The following VPS13B variants were observed in gnomAD, a reference collection of about 807,000 sequenced individuals.
The protein encoded by VPS13B is intermembrane lipid transfer protein VPS13B.
A neutral mutation model predicts 426.4 loss-of-function variants in VPS13B; 285 were observed. The observed-to-expected ratio is 0.67, with a 90% CI of 0.61 to 0.74. The LOEUF (loss-of-function observed/expected upper bound fraction) is 0.74. Among genes scored for constraint, VPS13B ranks in the 30% least tolerant of loss-of-function variants. VPS13B has a pLI of 0.00. For missense variants in VPS13B, 4,537 were observed against 4,782.6 expected (o/e 0.95, Z 1.51); for synonymous variants, 1,676 against 1,676.4 (o/e 1.00, Z 0.01).
intron 39 of VPS13B, among the ~76,000 whole-genome samples, chr8:99,740,555 G>T (rs548157845): frequency 1.3e-5 from 2 of 152,294 alleles, no homozygotes; most frequent in African/African-American, 4.8e-5. Context: ...TGGAAAAAAT[G>T]TTAAGGGCAG....
chr8:99,853,801 A>C lies in VPS13B; in HGVS notation c.10412A>C (p.Glu3471Ala). 1 of 1,614,270 alleles carries C rather than the reference A, an allele frequency of 6.2e-7. No individual in the cohort carries two copies. Among genetic ancestry groups the C allele is most frequent in the Non-Finnish European group, 8.5e-7 (1 of 1,180,042 alleles). Residue 3471 changes from glutamate to alanine, a missense_variant, in exon 56 of 62, where the codon GAA (glutamate) becomes GCA (alanine). By Grantham distance (107) the Glu-to-Ala change is moderately radical. Around this residue, in one of 2 missense-constraint regions of VPS13B, gnomAD observed 4,311 missense variants for 4,474.3 expected, o/e 0.96. Coordinates refer to ENST00000357162, the MANE Select transcript of VPS13B (RefSeq NM_152564.5). The part of the protein sequence containing the change: ...SLLISNKELE[E>A]YKEKCFIKLC... ...CTCATATCCAACAAAGAGTTGGAAG[A>C]ATACAAGGAAAAATGTTTTATCAAA...
At chr8:99,773,751 G>A (rs1378087684) in intron 40 of VPS13B, among the ~76,000 whole-genome samples, 12 of 152,164 alleles carry the variant, frequency 7.9e-5, no homozygotes, top group Non-Finnish European at 1.8e-4. Flanking sequence ...AAAGTGAAGA[G>A]CACCAGATAA....
intron 32 of VPS13B, 37 bp from the exon 33 acceptor site, chr8:99,577,453 A>G (rs770383278): frequency 1.9e-6 from 3 of 1,612,528 alleles, no homozygotes; most frequent in South Asian, 2.2e-5. Flanking sequence ...GAAAGCTATC[A>G]TGTTTCTTTA....
chr8:99,551,055 TTA>T (rs1824256427), intron 30 of VPS13B, among the ~76,000 whole-genome samples: 1 of 149,686 alleles, frequency 6.7e-6, no homozygotes, highest in Admixed American at 6.7e-5. Context: ...ATCACACATA[TTA>T]TGTTTTTCAA....
At chr8:99,780,799 T>A (rs1811982919) in intron 42 of VPS13B, among the ~76,000 whole-genome samples, 1 of 152,168 alleles carries the variant, frequency 6.6e-6, no homozygotes, top group African/African-American at 2.4e-5. Context: ...AAAGTAAATA[T>A]GAAAGTGCAC....
At chr8:99,253,889 A>G (rs765078746) in intron 17 of VPS13B, among the ~76,000 whole-genome samples, 12 of 152,128 alleles carry the variant, frequency 7.9e-5, no homozygotes, top group African/African-American at 4.8e-5. Context: ...TTTTAAGTGT[A>G]TCTCATCAAG....
intron 3 of VPS13B, among the ~76,000 whole-genome samples, chr8:99,059,517 C>T (rs1302936858): frequency 6.6e-6 from 1 of 152,076 alleles, no homozygotes; most frequent in African/African-American, 2.4e-5. Flanking sequence ...TTGATACAGT[C>T]TGCCCTCTGT....
intron 21 of VPS13B, among the ~76,000 whole-genome samples, chr8:99,400,861 A>G (rs993258761): frequency 3.1e-4 from 47 of 152,174 alleles, no homozygotes; most frequent in Non-Finnish European, 3.5e-4. Flanking sequence ...TAGTAGAGAC[A>G]GGGTTTCACC....
At chr8:99,439,041 C>T (rs1817549602) in intron 22 of VPS13B, among the ~76,000 whole-genome samples, 1 of 152,034 alleles carries the variant, frequency 6.6e-6, no homozygotes, top group African/African-American at 2.4e-5. Flanking sequence ...GATGAGGAAA[C>T]TGAAGTCATG....
chr8:99,864,918 T>C (rs552323005), intron 58 of VPS13B, among the ~76,000 whole-genome samples: 1 of 152,122 alleles, frequency 6.6e-6, no homozygotes, highest in Non-Finnish European at 1.5e-5. Flanking sequence ...CAAGTTCCAG[T>C]GTAGGAAAAA....
chr8:99,315,766 A>G lies in VPS13B; in HGVS notation c.2824+40512A>G, dbSNP rs571432502. ...ATTCTCCTGCCTCAGCCTCCCGAGT[A>G]GCTAGGACTACGGGCGCCTGCCACC... On this transcript the variant is annotated intron_variant, in intron 19 of 61. Transcript: ENST00000357162. Among the ~76,000 whole-genome samples, 924 of 152,080 alleles carry G rather than the reference A, an allele frequency of 6.1e-3. 13 individuals carry two copies. Among genetic ancestry groups the G allele is most frequent in the African/African-American group, 0.021 (879 of 41,468 alleles).
intron 17 of VPS13B, among the ~76,000 whole-genome samples, chr8:99,260,603 A>AATAGGTTAATT (rs1370718648): frequency 6.6e-6 from 1 of 152,018 alleles, no homozygotes; most frequent in Non-Finnish European, 1.5e-5. Context: ...ACCTATTTGC[A>AATAGGTTAATT]ATAGGTTAAT....
chr8:99,073,959 T>C (rs1844975690), intron 3 of VPS13B, among the ~76,000 whole-genome samples: 1 of 151,774 alleles, frequency 6.6e-6, no homozygotes, highest in South Asian at 2.1e-4. Flanking sequence ...TTTGTAGAGA[T>C]AGAGTCTCCC....
At chr8:99,365,514 T>C (rs1223407693) in intron 19 of VPS13B, among the ~76,000 whole-genome samples, 1 of 58,236 alleles carries the variant, frequency 1.7e-5, no homozygotes, top group Non-Finnish European at 4.3e-5. Context: ...CTTCTTCTTC[T>C]TCTTTTTTTT....
At chr8:99,082,425 T>G (rs996117920) in intron 3 of VPS13B, among the ~76,000 whole-genome samples, 1 of 152,216 alleles carries the variant, frequency 6.6e-6, no homozygotes, top group Non-Finnish European at 1.5e-5. Flanking sequence ...CTGTTCACTC[T>G]GATGGTGGTT....
At chr8:99,079,421 G>A (rs530728416) in intron 3 of VPS13B, among the ~76,000 whole-genome samples, 1 of 152,164 alleles carries the variant, frequency 6.6e-6, no homozygotes, top group Admixed American at 6.5e-5. Flanking sequence ...AAAATTGAAT[G>A]TGGTTGTGGT....
intron 15 of VPS13B, among the ~76,000 whole-genome samples, chr8:99,166,234 C>T (rs978843067): frequency 3.3e-5 from 5 of 152,160 alleles, no homozygotes; most frequent in African/African-American, 1.2e-4. Flanking sequence ...CCACCTCTGC[C>T]TCTGTCTCCC....
At chr8:99,380,035 G>A (rs921991829) in intron 19 of VPS13B, among the ~76,000 whole-genome samples, 1 of 151,956 alleles carries the variant, frequency 6.6e-6, no homozygotes, top group African/African-American at 2.4e-5. Context: ...TCATATTGGG[G>A]GAAAATTCTC....
At chr8:99,243,480 T>C (rs1452307019) in intron 17 of VPS13B, among the ~76,000 whole-genome samples, 1 of 150,768 alleles carries the variant, frequency 6.6e-6, no homozygotes, top group Non-Finnish European at 1.5e-5. Context: ...ATAGTTGACT[T>C]TTTTTTTTAA....
Sources: gnomAD v4.1 joint callset for allele counts (sites outside exome capture counted in the v4.1 genomes callset) on GRCh38, gnomAD v4.1.1 for gene constraint, gnomAD v4.1.1 regional missense constraint, MANE v1.5 for transcripts, NCBI Gene and HGNC (gene_info 2026-07-23, HGNC 2026-07-21) for gene names.